FILIP1L: variants seen among roughly 807,000 people sequenced by gnomAD.
The protein encoded by FILIP1L is filamin A interacting protein 1 like.
Under a neutral mutation model 96.6 loss-of-function variants are expected in FILIP1L, and 55 were observed. The ratio of observed to expected loss-of-function variants is 0.57; its 90% CI spans 0.46 to 0.71. The LOEUF is 0.71. FILIP1L is among the 30% of genes least tolerant of loss of function. FILIP1L has a pLI of 0.00. For missense variants in FILIP1L, 1,304 were observed against 1,321.2 expected, an observed-to-expected ratio of 0.99 and a Z score of 0.20; for synonymous variants, 467 against 473.9, an observed-to-expected ratio of 0.99 and a Z score of 0.19.
chr3:99,920,856 T>C (rs988218174), intron 4 of FILIP1L, among the ~76,000 whole-genome samples: 1 of 152,218 alleles, frequency 6.6e-6, no homozygotes, highest in Admixed American at 6.5e-5. Flanking sequence ...GAGGTCTCAT[T>C]AACTACCTCA....
intron 1 of FILIP1L, among the ~76,000 whole-genome samples, chr3:99,980,341 T>C (rs548460366): frequency 1.3e-5 from 2 of 152,282 alleles, no homozygotes; most frequent in Admixed American, 1.3e-4. Context: ...TCTGAAGTCT[T>C]GCATTGGATG....
intron 1 of FILIP1L, among the ~76,000 whole-genome samples, chr3:99,990,220 G>A (rs1177966226): frequency 6.6e-6 from 1 of 151,942 alleles, no homozygotes; most frequent in Non-Finnish European, 1.5e-5. Flanking sequence ...TGGTAGAGAG[G>A]GTAGTCAAGA....
chr3:99,847,296 T>C (rs951621266), intron 5 of FILIP1L, among the ~76,000 whole-genome samples: 2 of 150,994 alleles, frequency 1.3e-5, no homozygotes, highest in African/African-American at 4.8e-5. Context: ...CATTAAGTAA[T>C]TCAAACTGTT....
intron 4 of FILIP1L, among the ~76,000 whole-genome samples, chr3:99,853,841 G>A (rs550968907): frequency 1.3e-5 from 2 of 152,272 alleles, no homozygotes; most frequent in South Asian, 4.1e-4. Flanking sequence ...TGTCGGGAAG[G>A]TAAACAAGAA....
At chr3:99,864,547 G>A (rs746396843) in intron 4 of FILIP1L, among the ~76,000 whole-genome samples, 1 of 152,086 alleles carries the variant, frequency 6.6e-6, no homozygotes. Context: ...TAACAACCAG[G>A]CTACATGCCG....
At chr3:100,012,680 C>T (rs2107199514) in intron 1 of FILIP1L, among the ~76,000 whole-genome samples, 1 of 151,372 alleles carries the variant, frequency 6.6e-6, no homozygotes, top group Non-Finnish European at 1.5e-5. Flanking sequence ...ATGGTTGCCC[C>T]AATTATAAAA....
At chr3:100,109,511 A>T (rs1043875365) in intron 1 of FILIP1L, among the ~76,000 whole-genome samples, 8 of 152,084 alleles carry the variant, frequency 5.3e-5, no homozygotes, top group Non-Finnish European at 1.2e-4. Flanking sequence ...GTTGGCAACC[A>T]CTGATGTGTT....
rs184597403 is a variant in FILIP1L, at chr3:100,018,782, T to C, written c.-10-87752A>G. ...CAGAGTGAAAAGGCAGCCTATGAAA[T>C]GGAAGAGTGTATTTGCAAACCATGT... On this transcript the variant is annotated intron_variant, in intron 1 of 5. Transcript: ENST00000477258. Among the ~76,000 whole-genome samples, 562 of 145,768 alleles carry C rather than the reference T, an allele frequency of 3.9e-3. 3 individuals are homozygous for C. Among genetic ancestry groups the C allele is most frequent in the African/African-American group, 0.013 (535 of 39,806 alleles).
intron 4 of FILIP1L, among the ~76,000 whole-genome samples, chr3:99,907,195 G>A (rs1257772573): frequency 6.6e-6 from 1 of 152,072 alleles, no homozygotes; most frequent in Non-Finnish European, 1.5e-5. Context: ...TTATCATAGT[G>A]CTGATGGAAT....
At chr3:100,103,915 A>T (rs1045064748) in intron 1 of FILIP1L, among the ~76,000 whole-genome samples, 1 of 152,198 alleles carries the variant, frequency 6.6e-6, no homozygotes, top group African/African-American at 2.4e-5. Context: ...AATAAGAATC[A>T]TGAGCACGGG....
In FILIP1L at chr3:99,850,904, G is replaced by A. The variant is rs1295121282; in HGVS notation, c.772C>T (p.Gln258Ter). 2 of 1,614,162 alleles carry A rather than the reference G, an allele frequency of 1.2e-6. No individual in the cohort carries two copies. The highest frequency in any genetic ancestry group is 8.5e-7 in the Non-Finnish European group (1 of 1,180,032). ...TTTGTGGTCAGCTCTTGGATTTTCT[G>A]TCTTTGAAGGGTGAGCTGTGCCGTC... ...RLTAQLTLQRQKIQELTTNAK... is the reference protein window; with the variant it reads ...RLTAQLTLQR The change falls in exon 5 of 6, where the codon CAG becomes TAG. Residue 258 changes from glutamine to a stop codon, truncating the protein, a stop_gained. Coordinates refer to ENST00000477258, the MANE Select transcript of FILIP1L (RefSeq NM_001387850.1). LOFTEE classifies it high-confidence loss of function.
At chr3:100,057,864 C>T (rs1352765072) in intron 1 of FILIP1L, among the ~76,000 whole-genome samples, 1 of 152,182 alleles carries the variant, frequency 6.6e-6, no homozygotes, top group Non-Finnish European at 1.5e-5. Flanking sequence ...ACTGTGAATA[C>T]AATGCCGGTC....
At chr3:99,894,424 A>G (rs888086251) in intron 4 of FILIP1L, among the ~76,000 whole-genome samples, 9 of 151,700 alleles carry the variant, frequency 5.9e-5, no homozygotes, top group Admixed American at 2.0e-4. Context: ...CTGGTGTGCT[A>G]TTTTCTTGTT....
At chr3:99,864,916 A>G (rs549975929) in intron 4 of FILIP1L, among the ~76,000 whole-genome samples, 6 of 152,182 alleles carry the variant, frequency 3.9e-5, no homozygotes, top group Middle Eastern at 3.2e-3. Flanking sequence ...GTATGTGCGC[A>G]CACACGCATC....
chr3:99,944,850 G>T (rs991735110), intron 1 of FILIP1L, among the ~76,000 whole-genome samples: 6 of 152,134 alleles, frequency 3.9e-5, no homozygotes, highest in Admixed American at 3.9e-4. Flanking sequence ...ATCACAAAGT[G>T]GTGAGAAGAG....
intron 4 of FILIP1L, among the ~76,000 whole-genome samples, chr3:99,863,724 A>G (rs1158904820): frequency 1.3e-5 from 2 of 152,218 alleles, no homozygotes; most frequent in Non-Finnish European, 2.9e-5. Flanking sequence ...TGTGTATTAA[A>G]ACGTATACTA....
Position 99,848,965 on chromosome 3 carries a change from A to C in FILIP1L, c.2711T>G (p.Ile904Arg). Residue 904 changes from isoleucine (I) to arginine (R), a missense_variant, in exon 5 of 6, where the codon ATA (isoleucine) becomes AGA (arginine). By Grantham distance (97) the Ile-to-Arg change is moderately conservative (BLOSUM62 -3). Coordinates refer to ENST00000477258, the MANE Select transcript of FILIP1L (RefSeq NM_001387850.1). The part of the protein sequence containing the change: ...LSHTPGQPLH[I>R]KVTPDHVQNT... ...TTGTACATGGTCTGGAGTAACCTTTATATGAAGTGGCTGCCCAGGTGTGTG... is the reference window on the plus strand; with the variant it reads ...TTGTACATGGTCTGGAGTAACCTTTCTATGAAGTGGCTGCCCAGGTGTGTG... 1.2e-6 allele frequency: 2 copies of C among 1,614,160 alleles called. No homozygotes were observed. The highest frequency in any genetic ancestry group is 1.7e-6 in the Non-Finnish European group (2 of 1,180,008).
Position 100,007,019 on chromosome 3 carries a change from C to A in FILIP1L, c.-10-75989G>T, listed in dbSNP as rs150870448. 3.5e-3 allele frequency among the ~76,000 whole-genome samples: 529 copies of A among 152,296 alleles called. 1 individual carries two copies. The highest frequency in any genetic ancestry group is 0.012 in the African/African-American group (505 of 41,560). ...ATCTTTATAAATCTTTCATTACTTA[C>A]TGGCTTTCTTAGTGCCTTAGCTGGT... On this transcript the variant is annotated intron_variant, in intron 1 of 5. Coordinates refer to ENST00000477258, the MANE Select transcript of FILIP1L (RefSeq NM_001387850.1).
chr3:99,984,274 C>T (rs1462481579), intron 1 of FILIP1L, among the ~76,000 whole-genome samples: 1 of 152,042 alleles, frequency 6.6e-6, no homozygotes, highest in East Asian at 1.9e-4. Flanking sequence ...GTAGAGTGTC[C>T]TGTCAAACAA....
Sources: allele counts gnomAD v4.1 joint callset (sites outside exome capture counted in the v4.1 genomes callset), GRCh38; gene constraint gnomAD v4.1.1; transcripts MANE v1.5; gene names NCBI Gene and HGNC (gene_info 2026-07-23, HGNC 2026-07-21).